The following TMEM50B variants were observed in gnomAD, a reference collection of about 807,000 sequenced individuals.
TMEM50B encodes transmembrane protein 50B.
TMEM50B carries 14 observed loss-of-function variants against 23.4 expected under a neutral mutation model. The observed-to-expected ratio is 0.60, with a 90% CI of 0.39 to 0.93. The LOEUF is 0.93. Ranked by LOEUF, TMEM50B falls within the 40% of genes least tolerant of loss-of-function variation. TMEM50B has a pLI of 0.00. For missense variants in TMEM50B, 159 were observed against 193.0 expected (o/e 0.82, Z 1.04); for synonymous variants, 64 against 62.3 (o/e 1.03, Z -0.13).
intron 5 of TMEM50B, among the ~76,000 whole-genome samples, chr21:33,458,979 A>T (rs1342636295): frequency 6.6e-6 from 1 of 152,230 alleles, no homozygotes; most frequent in Non-Finnish European, 1.5e-5. Context: ...TCAAACTATG[A>T]GACTTAAATG....
At chr21:33,437,866 C>T (rs2123387559) in intron 8 of TMEM50B, among the ~76,000 whole-genome samples, 2 of 151,898 alleles carry the variant, frequency 1.3e-5, no homozygotes, top group South Asian at 4.2e-4. Context: ...CACCTGTAGT[C>T]CCAGCTACTT....
rs1218980672 is a variant in TMEM50B, at chr21:33,477,319, G to A, written c.-42+2519C>T. On this transcript the variant is annotated intron_variant, in intron 1 of 6. Coordinates refer to ENST00000542230, the MANE Select transcript of TMEM50B (RefSeq NM_006134.7). ...AGGGGTGGGGTTGGGAGGAAATGAGGTAGGTCTCCACGTGCTTATGAAGGA... is the reference window on the plus strand; with the variant it reads ...AGGGGTGGGGTTGGGAGGAAATGAGATAGGTCTCCACGTGCTTATGAAGGA... 3.3e-5 allele frequency among the ~76,000 whole-genome samples: 5 copies of A among 151,712 alleles called. No individual in the cohort carries two copies. The Middle Eastern group carries it at 0.01, about 312-fold the overall frequency.
intron 5 of TMEM50B, among the ~76,000 whole-genome samples, chr21:33,459,599 C>T (rs1276391876): frequency 2.1e-5 from 3 of 143,228 alleles, no homozygotes; most frequent in Admixed American, 7.3e-5. Context: ...ACCTGTGAGG[C>T]GGAGGTTGCA....
At chr21:33,437,087 G>A (rs2083962853) in intron 8 of TMEM50B, 4 of 905,530 alleles carry the variant, frequency 4.4e-6, no homozygotes, top group Admixed American at 2.0e-5. Flanking sequence ...GCCTGTCCCT[G>A]CAGACATGAG....
chr21:33,461,375 ATATT>A (rs2084215273), intron 4 of TMEM50B, among the ~76,000 whole-genome samples: 2 of 152,230 alleles, frequency 1.3e-5, no homozygotes, highest in African/African-American at 4.8e-5. Flanking sequence ...ATAGGTCTCT[ATATT>A]ATCTAAATTT....
At position 33,449,818 on chromosome 21, in the gene TMEM50B, T is replaced by G. The variant is rs911941163; in HGVS notation, c.*1000A>C. The G allele has an allele frequency of 2.6e-5, 4 of 152,664 alleles. No homozygotes were observed. Among genetic ancestry groups the G allele is most frequent in the Non-Finnish European group, 5.9e-5 (4 of 68,050 alleles). The allele number at this position is 152,664 out of a possible 1,614,324, so 9.5% of individuals were successfully genotyped here. On this transcript the variant is annotated 3_prime_UTR_variant, in exon 7 of 7. Coordinates refer to ENST00000542230, the MANE Select transcript of TMEM50B (RefSeq NM_006134.7). ...TGTGTAACATCAGATAATGGCAAGTTGTCAAAAGATAACCCCAGTGGATAT... is the reference window on the plus strand; with the variant it reads ...TGTGTAACATCAGATAATGGCAAGTGGTCAAAAGATAACCCCAGTGGATAT...
chr21:33,468,670 C>T, intron 2 of TMEM50B, 117 bp downstream of exon 2: 1 of 750,414 alleles, frequency 1.3e-6, no homozygotes, highest in Non-Finnish European at 2.3e-6. Context: ...ATCATCTATA[C>T]AAAACAGCAG....
At chr21:33,440,210 T>C (rs546034591) in intron 7 of TMEM50B, among the ~76,000 whole-genome samples, 59 of 152,328 alleles carry the variant, frequency 3.9e-4, no homozygotes, top group African/African-American at 1.3e-3. Flanking sequence ...CATCTTGGAA[T>C]AGTTAAAGTC....
At chr21:33,438,451 A>C (rs2083978154) in intron 8 of TMEM50B, among the ~76,000 whole-genome samples, 1 of 152,230 alleles carries the variant, frequency 6.6e-6, no homozygotes, top group Non-Finnish European at 1.5e-5. Context: ...CACGCAAGTC[A>C]TCTGATTGTG....
intron 7 of TMEM50B, among the ~76,000 whole-genome samples, chr21:33,441,932 T>C (rs2084012352): frequency 6.6e-6 from 1 of 151,964 alleles, no homozygotes; most frequent in Non-Finnish European, 1.5e-5. Flanking sequence ...CGCCCGGCCT[T>C]GTGATCATTT....
intron 8 of TMEM50B, among the ~76,000 whole-genome samples, chr21:33,435,882 CAAAAAAAAAAAAAA>C (rs35251279): frequency 6.2e-5 from 3 of 48,246 alleles, no homozygotes; most frequent in African/African-American, 2.9e-4. Context: ...GACTCCGTCT[CAAAAAAAAAAAAAA>C]AAAAAAAAAA....
chr21:33,450,899 C>T (rs934350852), intron 6 of TMEM50B, 36 bp from the exon 7 acceptor site: 1 of 1,570,434 alleles, frequency 6.4e-7, no homozygotes, highest in African/African-American at 1.4e-5. Context: ...GAGGAAAAAA[C>T]CGATGGAACA....
chr21:33,471,741 T>A (rs2084318009), intron 1 of TMEM50B, among the ~76,000 whole-genome samples: 1 of 152,010 alleles, frequency 6.6e-6, no homozygotes, highest in Non-Finnish European at 1.5e-5. Context: ...AAGATTCAAA[T>A]GAAAATTCTA....
intron 1 of TMEM50B, among the ~76,000 whole-genome samples, chr21:33,477,683 G>A (rs1432883679): frequency 6.6e-6 from 1 of 151,090 alleles, no homozygotes; most frequent in East Asian, 2.0e-4. Context: ...GGCGGCGGGC[G>A]CCTGTAATCC....
intron 4 of TMEM50B, among the ~76,000 whole-genome samples, chr21:33,464,804 C>CAAAAAAAAAAAA (rs59855166): frequency 6.9e-5 from 7 of 100,892 alleles, no homozygotes; most frequent in Non-Finnish European, 1.3e-4. Context: ...AACTCCGTCT[C>CAAAAAAAAAAAA]AAAAAAAAAA....
rs755711931 is a variant in TMEM50B, at chr21:33,450,871, G to GC, written c.432-9_432-8insG. 3 of 1,611,662 alleles carry GC rather than the reference G, an allele frequency of 1.9e-6. No homozygotes were observed. The highest frequency in any genetic ancestry group is 2.5e-6 in the Non-Finnish European group (3 of 1,178,818). ...AATTTGTAGATCAGAGTGCTAGAAA[G>GC]ATAGGAAAACAAATCATGAGGAAAA... On this transcript the variant is annotated splice_polypyrimidine_tract_variant and intron_variant, in intron 6 of 6. Transcript: ENST00000542230.
exon 9 of TMEM50B, chr21:33,432,523 A>G: frequency 1.2e-6 from 1 of 839,572 alleles, no homozygotes; most frequent in South Asian, 1.4e-5. Context: ...GACAGCTACC[A>G]CTTGCTTTAT....
chr21:33,434,044 A>C (rs985483876), intron 8 of TMEM50B, among the ~76,000 whole-genome samples: 3 of 152,094 alleles, frequency 2.0e-5, no homozygotes, highest in Admixed American at 1.3e-4. Context: ...CCGTGTACCC[A>C]TTGCCCAGTG....
chr21:33,432,871 G>T, intron 8 of TMEM50B: 1 of 1,611,812 alleles, frequency 6.2e-7, no homozygotes. Flanking sequence ...AGATAGAAGA[G>T]GTACGTGTGC....
Sources: allele counts gnomAD v4.1 joint callset (sites outside exome capture counted in the v4.1 genomes callset), GRCh38; gene constraint gnomAD v4.1.1; transcripts MANE v1.5; gene names NCBI Gene and HGNC (gene_info 2026-07-23, HGNC 2026-07-21).